The following LRBA variants were observed in gnomAD, a reference collection of about 807,000 sequenced individuals.
LRBA encodes lipopolysaccharide-responsive and beige-like anchor protein.
In LRBA, 176 loss-of-function variants were observed where a neutral mutation model predicts 330.0. The ratio of observed to expected loss-of-function variants is 0.53; its 90% confidence interval spans 0.47 to 0.60. The LOEUF is 0.60. Ranked by LOEUF, LRBA falls within the 20% of genes least tolerant of loss-of-function variation. The pLI is 0.00. For missense variants in LRBA, 3,259 were observed against 3,444.8 expected, an observed-to-expected ratio of 0.95 and a Z score of 1.35; for synonymous variants, 1,230 against 1,193.0, an observed-to-expected ratio of 1.03 and a Z score of -0.64.
chr4:150,860,305 G>C (rs1428172851), intron 22 of LRBA, among the ~76,000 whole-genome samples: 8 of 152,088 alleles, frequency 5.3e-5, no homozygotes, highest in African/African-American at 1.4e-4. Flanking sequence ...TAATGTTTTA[G>C]CATGTATTTT....
intron 37 of LRBA, among the ~76,000 whole-genome samples, chr4:150,610,907 A>T (rs531994712): frequency 6.6e-6 from 1 of 152,312 alleles, no homozygotes; most frequent in South Asian, 2.1e-4. Flanking sequence ...TTCCAATGAA[A>T]CAATCAGTAA....
chr4:150,436,981 T>C, intron 44 of LRBA, 117 bp from the exon 45 acceptor site: 2 of 889,968 alleles, frequency 2.2e-6, no homozygotes, highest in East Asian at 2.6e-5. Context: ...AAATATATAC[T>C]ACTTAAGCTG....
chr4:150,902,191 AG>A (rs1385594251), intron 13 of LRBA, among the ~76,000 whole-genome samples: 2 of 152,174 alleles, frequency 1.3e-5, no homozygotes, highest in Non-Finnish European at 2.9e-5. Flanking sequence ...AGTAAAGAAA[AG>A]CTTCACTAAT....
At chr4:150,320,636 C>T (rs898509583) in intron 50 of LRBA, among the ~76,000 whole-genome samples, 1 of 151,794 alleles carries the variant, frequency 6.6e-6, no homozygotes, top group African/African-American at 2.4e-5. Context: ...GCGAGCCCAT[C>T]TCTACGAAAA....
intron 31 of LRBA, among the ~76,000 whole-genome samples, chr4:150,816,217 C>A (rs1265692316): frequency 6.6e-6 from 1 of 151,942 alleles, no homozygotes; most frequent in Admixed American, 6.6e-5. Flanking sequence ...TTTCTGATCT[C>A]AATATAATCC....
At chr4:150,853,084 T>G (rs1750802050) in intron 22 of LRBA, 141 bp from the exon 23 acceptor site, 3 of 441,600 alleles carry the variant, frequency 6.8e-6, no homozygotes, top group Non-Finnish European at 1.2e-5. Context: ...TTTAGTAGAA[T>G]GATAAATGTA....
At chr4:150,641,891 C>T (rs1778713563) in intron 37 of LRBA, among the ~76,000 whole-genome samples, 1 of 152,014 alleles carries the variant, frequency 6.6e-6, no homozygotes. Context: ...GAGGCTATTA[C>T]TGCCTCTCAT....
chr4:150,548,689 CTGTTTTGGAA>C, intron 40 of LRBA, among the ~76,000 whole-genome samples: 1 of 152,278 alleles, frequency 6.6e-6, no homozygotes, highest in Admixed American at 6.5e-5. Flanking sequence ...AGTATCCCCT[CTGTTTTGGAA>C]CCTGTATCAC....
intron 37 of LRBA, among the ~76,000 whole-genome samples, chr4:150,640,512 T>A (rs993806984): frequency 2.0e-5 from 3 of 152,174 alleles, no homozygotes; most frequent in African/African-American, 7.2e-5. Flanking sequence ...CTAGAAAAGG[T>A]CTATTTACTA....
intron 22 of LRBA, among the ~76,000 whole-genome samples, chr4:150,859,075 T>C (rs903587141): frequency 6.6e-6 from 1 of 152,166 alleles, no homozygotes; most frequent in Non-Finnish European, 1.5e-5. Context: ...TTATGTACAG[T>C]GACTGAAATT....
chr4:150,851,815 T>G (rs1750648671), intron 23 of LRBA, 70 bp downstream of exon 23: 1 of 1,393,090 alleles, frequency 7.2e-7, no homozygotes, highest in South Asian at 1.8e-5. Context: ...AAAATAAAAT[T>G]TAAGTATATA....
chr4:150,675,704 C>T (rs1449723725), intron 37 of LRBA, among the ~76,000 whole-genome samples: 2 of 151,190 alleles, frequency 1.3e-5, no homozygotes, highest in African/African-American at 4.9e-5. Flanking sequence ...GGCGACAAAG[C>T]GAGGCTCCGT....
intron 36 of LRBA, among the ~76,000 whole-genome samples, chr4:150,689,518 G>A (rs924709794): frequency 6.6e-6 from 1 of 151,226 alleles, no homozygotes; most frequent in Non-Finnish European, 1.5e-5. Flanking sequence ...AACAGAAATG[G>A]AAAATGTTAA....
intron 40 of LRBA, among the ~76,000 whole-genome samples, chr4:150,533,536 CTGT>C (rs1431652760): frequency 6.6e-6 from 1 of 151,998 alleles, no homozygotes; most frequent in African/African-American, 2.4e-5. Context: ...TACACTGCTG[CTGT>C]TGTTGTTTGA....
chr4:150,685,367 T>C (rs970826309), intron 36 of LRBA, among the ~76,000 whole-genome samples: 3 of 120,954 alleles, frequency 2.5e-5, no homozygotes, highest in Admixed American at 9.6e-5. Context: ...ATGGTGTATA[T>C]GTACATGCAT....
intron 47 of LRBA, among the ~76,000 whole-genome samples, chr4:150,401,153 C>T (rs529660662): frequency 5.3e-5 from 8 of 152,238 alleles, no homozygotes; most frequent in Non-Finnish European, 1.0e-4. Flanking sequence ...ATTGAAGGAC[C>T]TATCAGAAGC....
At chr4:150,721,841 T>C (rs1374972913) in intron 36 of LRBA, among the ~76,000 whole-genome samples, 2 of 152,264 alleles carry the variant, frequency 1.3e-5, no homozygotes, top group East Asian at 3.9e-4. Flanking sequence ...GGTCGCGAAC[T>C]CCTGACCTCA....
At chr4:150,937,218 T>C (rs1735168781) in intron 2 of LRBA, among the ~76,000 whole-genome samples, 1 of 152,110 alleles carries the variant, frequency 6.6e-6, no homozygotes, top group South Asian at 2.1e-4. Flanking sequence ...ATATACTATA[T>C]GTATGCATAT....
intron 22 of LRBA, among the ~76,000 whole-genome samples, chr4:150,854,519 AAAG>A (rs1223971183): frequency 3.3e-5 from 5 of 152,206 alleles, no homozygotes; most frequent in African/African-American, 4.8e-5. Context: ...CTTATATTCT[AAAG>A]AAGGTGTCAG....
Sources: gnomAD v4.1 joint callset for allele counts (sites outside exome capture counted in the v4.1 genomes callset) on GRCh38, gnomAD v4.1.1 for gene constraint, MANE v1.5 for transcripts, NCBI Gene and HGNC (gene_info 2026-07-23, HGNC 2026-07-21) for gene names.